The following DOCK2 variants were observed in gnomAD, a reference collection of about 807,000 sequenced individuals.
The protein encoded by DOCK2 is dedicator of cytokinesis 2, also known as dedicator of cytokinesis protein 2.
In DOCK2, 87 loss-of-function variants were observed where a neutral mutation model predicts 248.9. The ratio of observed to expected loss-of-function variants is 0.35; its 90% confidence interval spans 0.29 to 0.42. DOCK2 has a LOEUF of 0.42. DOCK2 is among the 10% of genes least tolerant of loss of function. DOCK2 has a pLI of 1.00. For missense variants in DOCK2, 1,747 were observed against 2,300.2 expected (o/e 0.76, Z 4.92); for synonymous variants, 805 against 821.6 (o/e 0.98, Z 0.35).
At chr5:169,688,077 AC>A (rs1238482900) in intron 8 of DOCK2, among the ~76,000 whole-genome samples, 1 of 152,164 alleles carries the variant, frequency 6.6e-6, no homozygotes, top group Non-Finnish European at 1.5e-5. Context: ...GGCATGTGCC[AC>A]CATGCCTGGC....
In DOCK2 at chr5:169,764,927, C is replaced by T. The variant is rs1764682471; in HGVS notation, c.2554+3302C>T. ...TGTAAAGGGGCCATGTTACATATGCCTGGAAGAAGTAGAGGTCAAGGTGAA... is the reference window on the plus strand; with the variant it reads ...TGTAAAGGGGCCATGTTACATATGCTTGGAAGAAGTAGAGGTCAAGGTGAA... On this transcript the variant is annotated intron_variant, in intron 25 of 51. Coordinates refer to ENST00000520908, the MANE Select transcript of DOCK2 (RefSeq NM_004946.3). The surrounding 1 kb of genome is among the most constrained non-coding windows in gnomAD (Gnocchi z 4.3). Among the ~76,000 whole-genome samples the T allele has an allele frequency of 6.6e-6, 1 of 151,936 alleles. No individual in the cohort carries two copies. Among genetic ancestry groups the T allele is most frequent in the Non-Finnish European group, 1.5e-5 (1 of 68,026 alleles).
chr5:169,919,124 T>C (rs1349285371), intron 27 of DOCK2, among the ~76,000 whole-genome samples: 1 of 152,210 alleles, frequency 6.6e-6, no homozygotes, highest in Non-Finnish European at 1.5e-5. Flanking sequence ...GTGGAATTGA[T>C]CATTTATTTT....
intron 44 of DOCK2, among the ~76,000 whole-genome samples, chr5:170,065,881 A>T (rs1561905800): frequency 6.6e-6 from 1 of 151,956 alleles, no homozygotes; most frequent in Non-Finnish European, 1.5e-5. Flanking sequence ...CAAGAGACTT[A>T]CCTCACCTTT....
At chr5:169,959,636 A>G (rs11134598) in intron 27 of DOCK2, among the ~76,000 whole-genome samples, 115,061 of 152,044 alleles carry the variant, frequency 0.76, 44,588 homozygotes, top group African/African-American at 0.94. Flanking sequence ...TCATGCATAA[A>G]GGTAAGTGTT....
intron 27 of DOCK2, among the ~76,000 whole-genome samples, chr5:169,852,464 C>G (rs1404144870): frequency 6.6e-6 from 1 of 152,196 alleles, no homozygotes; most frequent in East Asian, 1.9e-4. Flanking sequence ...AAGGAGTTGA[C>G]AGGCTGGGAG....
intron 27 of DOCK2, among the ~76,000 whole-genome samples, chr5:169,958,346 G>A (rs1360772893): frequency 1.3e-5 from 2 of 152,048 alleles, no homozygotes; most frequent in African/African-American, 4.8e-5. Flanking sequence ...GGGTTTCTGG[G>A]GACAGTGAAA....
chr5:169,791,446 T>G (rs1019309930), intron 25 of DOCK2, among the ~76,000 whole-genome samples: 3 of 152,250 alleles, frequency 2.0e-5, no homozygotes, highest in African/African-American at 7.2e-5. Flanking sequence ...AGATTTCTTT[T>G]CAGTCCCCTG....
chr5:169,887,239 C>T (rs776564441), intron 27 of DOCK2, among the ~76,000 whole-genome samples: 2 of 152,206 alleles, frequency 1.3e-5, no homozygotes, highest in East Asian at 3.9e-4. Context: ...TTAGCCCTGC[C>T]TTTTCTCCAG....
rs776010809 is a variant in DOCK2, at chr5:169,883,227, G to T, written c.2799+42375G>T. The T allele has an allele frequency of 4.1e-5, 63 of 1,551,538 alleles. No homozygotes were observed. In the South Asian group the frequency reaches 7.5e-4, roughly 18 times the overall value. ...TGGAGTTACTTACTTCAGCTGACCT[G>T]TCTGGGCTGAGAGCAGACTCTCTAG... On this transcript the variant is annotated intron_variant, in intron 27 of 51. Transcript: ENST00000520908.
At chr5:169,721,219 G>A (rs544179347) in intron 22 of DOCK2, among the ~76,000 whole-genome samples, 1 of 152,300 alleles carries the variant, frequency 6.6e-6, no homozygotes, top group East Asian at 1.9e-4. Flanking sequence ...TCAGGAGCAG[G>A]GTGATCTGTT....
At chr5:169,731,103 A>G (rs988691867) in intron 22 of DOCK2, among the ~76,000 whole-genome samples, 1 of 152,144 alleles carries the variant, frequency 6.6e-6, no homozygotes, top group Non-Finnish European at 1.5e-5. Context: ...TCTGGCCTCA[A>G]GTGATCCTCC....
At chr5:169,642,571 G>T (rs1393352547) in intron 1 of DOCK2, among the ~76,000 whole-genome samples, 1 of 152,160 alleles carries the variant, frequency 6.6e-6, no homozygotes, top group Non-Finnish European at 1.5e-5. Context: ...CTTTGGATTG[G>T]TCCCCAGAAA....
At chr5:169,888,633 A>G (rs1425087032) in intron 27 of DOCK2, among the ~76,000 whole-genome samples, 1 of 152,212 alleles carries the variant, frequency 6.6e-6, no homozygotes, top group Admixed American at 6.5e-5. Context: ...GTGAGGGGTT[A>G]AGTGCATAGG....
chr5:169,761,628 G>T lies in DOCK2; in HGVS notation c.2554+3G>T. ...GAGCAACCTCTTTAAAAAGCAAGGT[G>T]AGTACACAGCACCCTTGCTGGGGTG... is the stretch of plus-strand genomic sequence containing the variant. On this transcript the variant is annotated splice_donor_region_variant and intron_variant, in intron 25 of 51. Coordinates refer to ENST00000520908, the MANE Select transcript of DOCK2 (RefSeq NM_004946.3). The T allele has an allele frequency of 6.2e-7, 1 of 1,612,566 alleles. No homozygotes were observed. The highest frequency in any genetic ancestry group is 1.1e-5 in the South Asian group (1 of 91,018).
intron 27 of DOCK2, among the ~76,000 whole-genome samples, chr5:169,951,496 G>A (rs145970063): frequency 6.6e-6 from 1 of 152,330 alleles, no homozygotes; most frequent in East Asian, 1.9e-4. Context: ...AGAGCCTGCT[G>A]TGTGCTGCCT....
In DOCK2 at chr5:169,776,933, T is replaced by C. The variant is rs1163406238; in HGVS notation, c.2554+15308T>C. Reference sequence around the variant, plus strand: ...TTACCCAGTCTCAGGTATTTCTTTATAGCAGCATAAGAATGGACTAATACA... The same window carrying C: ...TTACCCAGTCTCAGGTATTTCTTTACAGCAGCATAAGAATGGACTAATACA... On this transcript the variant is annotated intron_variant, in intron 25 of 51. Transcript: ENST00000520908. Among the ~76,000 whole-genome samples the C allele has an allele frequency of 3.3e-5, 5 of 152,370 alleles. No individual in the cohort carries two copies. In the East Asian group the frequency reaches 9.6e-4, roughly 29 times the overall value.
At chr5:169,922,593 A>G (rs1282153687) in intron 27 of DOCK2, among the ~76,000 whole-genome samples, 1 of 152,250 alleles carries the variant, frequency 6.6e-6, no homozygotes. Flanking sequence ...TTTAGAGAAT[A>G]TCACCTACAT....
rs954270578 is a variant in DOCK2 at position 170,017,402 on chromosome 5, C to G, written c.3233-1558C>G. ...TAATAGGGTTGCTTGAATATGCTGA[C>G]CCTCACTTCCCAGGAAATCCCTGCA... is the stretch of plus-strand genomic sequence containing the variant. On this transcript the variant is annotated intron_variant, in intron 32 of 51. Coordinates refer to ENST00000520908, the MANE Select transcript of DOCK2 (RefSeq NM_004946.3). 2.0e-5 allele frequency among the ~76,000 whole-genome samples: 3 copies of G among 152,120 alleles called. No homozygotes were observed. The South Asian group carries it at 6.2e-4, about 31-fold the overall frequency.
intron 1 of DOCK2, 108 bp downstream of exon 1, chr5:169,637,477 C>T (rs776402489): frequency 4.4e-5 from 54 of 1,219,576 alleles, no homozygotes; most frequent in Non-Finnish European, 2.0e-5. Context: ...GGCGCGCTGC[C>T]TGCAGGTCAG....
Sources: gnomAD v4.1 joint callset for allele counts (sites outside exome capture counted in the v4.1 genomes callset) on GRCh38, gnomAD v4.1.1 for gene constraint, Gnocchi (gnomAD v3.1) non-coding constraint, MANE v1.5 for transcripts, NCBI Gene and HGNC (gene_info 2026-07-23, HGNC 2026-07-21) for gene names.